The following MDGA2 variants were observed in gnomAD, a reference collection of about 807,000 sequenced individuals.
MDGA2 encodes the protein MAM domain-containing glycosylphosphatidylinositol anchor protein 2.
In MDGA2, 40 loss-of-function variants were observed where a neutral mutation model predicts 117.8. That is an observed-to-expected ratio of 0.34 (90% CI 0.26 to 0.44). The LOEUF (loss-of-function observed/expected upper bound fraction) is 0.44. Ranked by LOEUF, MDGA2 falls within the 20% of genes least tolerant of loss-of-function variation. MDGA2 has a pLI of 1.00. For synonymous variants in MDGA2, 452 were observed against 439.0 expected (o/e 1.03, Z -0.37); for missense variants, 1,123 against 1,250.6 (o/e 0.90, Z 1.54).
At chr14:47,103,021 A>G (rs1213000746) in intron 5 of MDGA2, among the ~76,000 whole-genome samples, 1 of 152,174 alleles carries the variant, frequency 6.6e-6, no homozygotes, top group Non-Finnish European at 1.5e-5. Flanking sequence ...GGTAAGTGAA[A>G]GCACCCCTAT....
At chr14:47,265,744 G>A (rs970325820) in intron 2 of MDGA2, among the ~76,000 whole-genome samples, 4 of 151,950 alleles carry the variant, frequency 2.6e-5, no homozygotes, top group Non-Finnish European at 2.9e-5. Context: ...TCCACTGTAA[G>A]GAGTGGTGAC....
At chr14:47,505,049 T>C (rs1894482874) in intron 1 of MDGA2, among the ~76,000 whole-genome samples, 1 of 152,150 alleles carries the variant, frequency 6.6e-6, no homozygotes, top group South Asian at 2.1e-4. Flanking sequence ...TACAATAACA[T>C]GGATGAACCT....
chr14:47,351,184 C>A (rs1890872533), intron 1 of MDGA2, among the ~76,000 whole-genome samples: 1 of 151,768 alleles, frequency 6.6e-6, no homozygotes, highest in African/African-American at 2.4e-5. Flanking sequence ...CGGGTTCAAG[C>A]GATTTTCCTG....
At chr14:47,155,399 C>A (rs563944816) in intron 3 of MDGA2, among the ~76,000 whole-genome samples, 10 of 152,038 alleles carry the variant, frequency 6.6e-5, no homozygotes, top group Non-Finnish European at 1.2e-4. Context: ...CATGGTCCTT[C>A]GGGAAACCCA....
intron 10 of MDGA2, among the ~76,000 whole-genome samples, chr14:46,916,098 T>C (rs1883886417): frequency 6.6e-6 from 1 of 152,156 alleles, no homozygotes; most frequent in Admixed American, 6.5e-5. Flanking sequence ...ACCCAGACAT[T>C]AGCCCACATG....
At chr14:47,180,845 C>A (rs539518248) in intron 3 of MDGA2, among the ~76,000 whole-genome samples, 1 of 152,028 alleles carries the variant, frequency 6.6e-6, no homozygotes, top group Non-Finnish European at 1.5e-5. Flanking sequence ...CGCTTGAACC[C>A]GGGAGAAAAA....
chr14:47,094,428 A>G (rs1323363453), intron 6 of MDGA2, among the ~76,000 whole-genome samples: 1 of 152,058 alleles, frequency 6.6e-6, no homozygotes, highest in Non-Finnish European at 1.5e-5. Flanking sequence ...TACCCTAGGC[A>G]CATATTTGTT....
intron 7 of MDGA2, among the ~76,000 whole-genome samples, chr14:47,057,815 T>C (rs1889741889): frequency 1.3e-5 from 2 of 151,852 alleles, no homozygotes; most frequent in Non-Finnish European, 2.9e-5. Context: ...AGTGAAGTGG[T>C]ACCATGATAG....
chr14:46,947,606 T>TA (rs1566539865), intron 9 of MDGA2, among the ~76,000 whole-genome samples: 1 of 151,962 alleles, frequency 6.6e-6, no homozygotes, highest in Non-Finnish European at 1.5e-5. Context: ...CGGATGGTTT[T>TA]AAAAAAGAGG....
chr14:47,176,913 GC>G (rs764466037), intron 3 of MDGA2, among the ~76,000 whole-genome samples: 2 of 152,090 alleles, frequency 1.3e-5, no homozygotes, highest in African/African-American at 2.4e-5. Flanking sequence ...CTGACAAAGG[GC>G]TAATGTCCAG....
At chr14:47,479,107 A>T (rs1326753799) in intron 1 of MDGA2, among the ~76,000 whole-genome samples, 1 of 152,232 alleles carries the variant, frequency 6.6e-6, no homozygotes, top group Non-Finnish European at 1.5e-5. Context: ...ATAATTACTA[A>T]ATCATGATAT....
At chr14:47,241,646 A>C (rs1887044907) in intron 2 of MDGA2, among the ~76,000 whole-genome samples, 1 of 151,888 alleles carries the variant, frequency 6.6e-6, no homozygotes, top group Non-Finnish European at 1.5e-5. Context: ...AATTATGTGA[A>C]AAGAGTAGAA....
At chr14:47,010,432 C>T (rs1001306774) in intron 8 of MDGA2, among the ~76,000 whole-genome samples, 43 of 151,932 alleles carry the variant, frequency 2.8e-4, no homozygotes, top group African/African-American at 8.9e-4. Context: ...AGTGGACTTA[C>T]CTGGTTAACA....
At chr14:47,094,921 C>T (rs561573304) in intron 6 of MDGA2, among the ~76,000 whole-genome samples, 2 of 152,100 alleles carry the variant, frequency 1.3e-5, no homozygotes, top group African/African-American at 4.8e-5. Context: ...AAATGAGCCC[C>T]ATTTCTCAAT....
intron 15 of MDGA2, among the ~76,000 whole-genome samples, chr14:46,853,210 T>A (rs1386183462): frequency 6.6e-6 from 1 of 151,846 alleles, no homozygotes; most frequent in African/African-American, 2.4e-5. Flanking sequence ...AAATTAGACA[T>A]TGCAGAAGAA....
At chr14:47,508,255 A>G (rs1894557756) in intron 1 of MDGA2, among the ~76,000 whole-genome samples, 1 of 152,006 alleles carries the variant, frequency 6.6e-6, no homozygotes, top group East Asian at 1.9e-4. Flanking sequence ...TATTTTTACT[A>G]TACTGGTCCT....
At chr14:47,658,407 C>A (rs558138079) in intron 1 of MDGA2, among the ~76,000 whole-genome samples, 2 of 152,060 alleles carry the variant, frequency 1.3e-5, no homozygotes, top group Non-Finnish European at 2.9e-5. Context: ...ACAATCTAAT[C>A]CTTTAGAATT....
At chr14:47,377,634 TG>T (rs1191318807) in intron 1 of MDGA2, among the ~76,000 whole-genome samples, 2 of 152,090 alleles carry the variant, frequency 1.3e-5, no homozygotes, top group Non-Finnish European at 2.9e-5. Flanking sequence ...CAGTCTGAGA[TG>T]GAACTCCAAG....
chr14:47,588,934 T>C (rs547868938), intron 1 of MDGA2, among the ~76,000 whole-genome samples: 1 of 152,090 alleles, frequency 6.6e-6, no homozygotes, highest in South Asian at 2.1e-4. Flanking sequence ...AGAGGCTGCA[T>C]GTATTGGCTT....
Sources: allele counts gnomAD v4.1 joint callset (sites outside exome capture counted in the v4.1 genomes callset), GRCh38; gene constraint gnomAD v4.1.1; transcripts MANE v1.5; gene names NCBI Gene and HGNC (gene_info 2026-07-23, HGNC 2026-07-21).